ENOPH1: variants seen among roughly 807,000 people sequenced by gnomAD.
ENOPH1 encodes enolase-phosphatase E1.
A neutral mutation model predicts 31.1 loss-of-function variants in ENOPH1; 14 were observed. The observed-to-expected ratio is 0.45, with a 90% confidence interval of 0.30 to 0.70. ENOPH1 has a LOEUF of 0.70. Among genes scored for constraint, ENOPH1 ranks in the 30% least tolerant of loss-of-function variants. The pLI, the probability that ENOPH1 is intolerant of heterozygous loss-of-function variation, is 0.09. For missense variants in ENOPH1, 243 were observed against 321.5 expected (o/e 0.76, Z 1.87); for synonymous variants, 127 against 123.2 (o/e 1.03, Z -0.21).
intron 1 of ENOPH1, among the ~76,000 whole-genome samples, chr4:82,433,307 G>A (rs934669448): frequency 2.8e-4 from 43 of 152,070 alleles, no homozygotes; most frequent in Admixed American, 2.5e-3. Context: ...GCCACTTCTT[G>A]GAATCTTTGT....
intron 2 of ENOPH1, among the ~76,000 whole-genome samples, chr4:82,450,285 C>T (rs1336435859): frequency 2.6e-5 from 4 of 152,158 alleles, no homozygotes; most frequent in Non-Finnish European, 5.9e-5. Context: ...CATAACAAAA[C>T]CAATTTTTTC....
chr4:82,432,384 G>T (rs1721794436), intron 1 of ENOPH1, among the ~76,000 whole-genome samples: 1 of 150,894 alleles, frequency 6.6e-6, no homozygotes, highest in African/African-American at 2.4e-5. Flanking sequence ...TCGCTCTGTT[G>T]CCCAGGCTGG....
At chr4:82,443,124 A>T (rs1452152988) in intron 1 of ENOPH1, among the ~76,000 whole-genome samples, 3 of 151,920 alleles carry the variant, frequency 2.0e-5, no homozygotes, top group African/African-American at 7.2e-5. Flanking sequence ...TATTAATGTT[A>T]GAGAATAAAA....
At chr4:82,452,839 T>C (rs1722384876) in intron 3 of ENOPH1, among the ~76,000 whole-genome samples, 1 of 151,698 alleles carries the variant, frequency 6.6e-6, no homozygotes, top group African/African-American at 2.4e-5. Flanking sequence ...CCACCTACCT[T>C]GGCCTCCCAA....
At chr4:82,458,294 G>A (rs886482946) in intron 5 of ENOPH1, among the ~76,000 whole-genome samples, 4 of 152,158 alleles carry the variant, frequency 2.6e-5, no homozygotes, top group Non-Finnish European at 5.9e-5. Flanking sequence ...ATCATTTGAG[G>A]TCAGGAATTC....
At chr4:82,448,765 T>A (rs1483819021) in intron 2 of ENOPH1, among the ~76,000 whole-genome samples, 4 of 149,814 alleles carry the variant, frequency 2.7e-5, no homozygotes, top group South Asian at 2.1e-4. Flanking sequence ...CTACTAAAAA[T>A]ACAAAAAATT....
chr4:82,431,873 A>G (rs1246719567), intron 1 of ENOPH1, among the ~76,000 whole-genome samples: 1 of 151,242 alleles, frequency 6.6e-6, no homozygotes, highest in African/African-American at 2.4e-5. Context: ...TTTAAATTCT[A>G]TTTTAGTTTC....
At chr4:82,439,041 A>T (rs762943233) in intron 1 of ENOPH1, among the ~76,000 whole-genome samples, 2 of 152,162 alleles carry the variant, frequency 1.3e-5, no homozygotes, top group Middle Eastern at 3.2e-3. Flanking sequence ...CCATCAGCTC[A>T]CTAAAGAGTC....
At position 82,460,737 on chromosome 4, in the gene ENOPH1, C is replaced by A. The variant is rs1201875248; in HGVS notation, c.*617C>A. 2 of 152,228 alleles carry A rather than the reference C, an allele frequency of 1.3e-5. No homozygotes were observed. The highest frequency in any genetic ancestry group is 2.9e-5 in the Non-Finnish European group (2 of 68,084). The allele number at this position is 152,228 out of a possible 1,614,324, so 9.4% of individuals were successfully genotyped here. A position where few individuals can be genotyped will look rare whatever the true frequency, so the allele number is the denominator to read the frequency against. ...TAATCATTGTGGCACCCACAGCAAG[C>A]AGTTGCCTTACCAGTGAAAAAGGTG... is the stretch of plus-strand genomic sequence containing the variant. On this transcript the variant is annotated 3_prime_UTR_variant, in exon 6 of 6. Transcript: ENST00000273920.
At chr4:82,444,655 C>T (rs1386167231) in intron 1 of ENOPH1, among the ~76,000 whole-genome samples, 1 of 152,278 alleles carries the variant, frequency 6.6e-6, no homozygotes. Context: ...AGTAAGCGAT[C>T]ACTGAGCTTT....
intron 2 of ENOPH1, among the ~76,000 whole-genome samples, chr4:82,449,057 CAAAAAAAAA>C (rs10604951): frequency 2.0e-5 from 1 of 49,526 alleles, no homozygotes; most frequent in East Asian, 5.5e-4. Flanking sequence ...GACTCCGTCT[CAAAAAAAAA>C]AAAAAAAAAA....
chr4:82,451,116 A>G lies in ENOPH1; in HGVS notation c.260A>G (p.Gln87Arg). Residue 87 changes from glutamine to arginine, a missense_variant, in exon 3 of 6, where the codon CAA becomes CGA. By Grantham distance (43) the Gln-to-Arg change is conservative. Transcript: ENST00000273920. ...AASGNGVDDL[Q>R]QMIQAVVDNV... is the part of the protein sequence containing the mutation. ...TCTGGGAATGGAGTGGATGATCTGC[A>G]ACAGATGATCCAGGCCGTGGTAGAT... 6.2e-7 allele frequency: 1 copy of G among 1,614,186 alleles called. No homozygotes were observed. Among genetic ancestry groups the G allele is most frequent in the Non-Finnish European group, 8.5e-7 (1 of 1,180,008 alleles).
chr4:82,430,824 A>T lies in ENOPH1; in HGVS notation c.-6A>T. On this transcript the variant is annotated 5_prime_UTR_variant, in exon 1 of 6. Transcript: ENST00000273920. Reference sequence around the variant, plus strand: ...CAGGCCGAGTCCCGTAGCATCCGGTAGGGAAATGGTCGTGCTTTCGGTCCC... The same window carrying T: ...CAGGCCGAGTCCCGTAGCATCCGGTTGGGAAATGGTCGTGCTTTCGGTCCC... The T allele has an allele frequency of 6.2e-7, 1 of 1,613,850 alleles. No individual in the cohort carries two copies. The highest frequency in any genetic ancestry group is 8.5e-7 in the Non-Finnish European group (1 of 1,179,784).
intron 1 of ENOPH1, among the ~76,000 whole-genome samples, chr4:82,432,461 C>T (rs1218873950): frequency 6.6e-6 from 1 of 152,164 alleles, no homozygotes; most frequent in Non-Finnish European, 1.5e-5. Flanking sequence ...TCTTCTGTCG[C>T]AGCCTCTCCA....
chr4:82,454,520 T>C (rs1225473805), intron 3 of ENOPH1, among the ~76,000 whole-genome samples: 1 of 152,220 alleles, frequency 6.6e-6, no homozygotes, highest in Admixed American at 6.5e-5. Context: ...CCTTTCCACA[T>C]AGATTGTTGC....
At chr4:82,444,163 C>T (rs924401376) in intron 1 of ENOPH1, among the ~76,000 whole-genome samples, 3 of 152,196 alleles carry the variant, frequency 2.0e-5, no homozygotes, top group Non-Finnish European at 4.4e-5. Context: ...GCGTGGGCCA[C>T]GGCGCCCGGC....
At chr4:82,448,236 G>GT (rs540208994) in intron 2 of ENOPH1, among the ~76,000 whole-genome samples, 1,796 of 148,852 alleles carry the variant, frequency 0.012, 20 homozygotes, top group African/African-American at 0.037. Context: ...CTCTTTGGTT[G>GT]TTTTTTTTTG....
chr4:82,435,071 C>T (rs937235388), intron 1 of ENOPH1, among the ~76,000 whole-genome samples: 7 of 152,098 alleles, frequency 4.6e-5, no homozygotes, highest in East Asian at 1.9e-4. Flanking sequence ...TGCACTTTAC[C>T]GCAGGACACA....
Position 82,460,329 on chromosome 4 carries a change from C to A in ENOPH1, c.*209C>A. 2.2e-6 allele frequency: 1 copy of A among 456,158 alleles called. No individual in the cohort carries two copies. The highest frequency in any genetic ancestry group is 3.8e-6 in the Non-Finnish European group (1 of 261,228). 28.3% of individuals were successfully genotyped at this position (456,158 alleles called of 1,614,324 possible). A position where few individuals can be genotyped will look rare whatever the true frequency, so the allele number is the denominator to read the frequency against. ...TGAACACAAAACTTATTTAAAGATG[C>A]TTTATATGTAGAAATTGTTTCAAAT... is the stretch of plus-strand genomic sequence containing the variant. On this transcript the variant is annotated 3_prime_UTR_variant, in exon 6 of 6. Coordinates refer to ENST00000273920, the MANE Select transcript of ENOPH1 (RefSeq NM_021204.5).
Sources: gnomAD v4.1 joint callset for allele counts (sites outside exome capture counted in the v4.1 genomes callset) on GRCh38, gnomAD v4.1.1 for gene constraint, MANE v1.5 for transcripts, NCBI Gene and HGNC (gene_info 2026-07-23, HGNC 2026-07-21) for gene names.